The following ADGRL4 variants were observed in gnomAD, a reference collection of about 807,000 sequenced individuals.
The protein encoded by ADGRL4 is EGF, latrophilin and seven transmembrane domain containing 1.
Under a neutral mutation model 74.8 loss-of-function variants are expected in ADGRL4, and 90 were observed. The ratio of observed to expected loss-of-function variants is 1.20; its 90% CI spans 1.02 to 1.43. The LOEUF is 1.43. Among genes scored for constraint, ADGRL4 ranks in the 40% most tolerant of loss-of-function variants. The pLI is 0.00. For missense variants in ADGRL4, 881 were observed against 814.3 expected (o/e 1.08, Z -1.00); for synonymous variants, 311 against 279.2 (o/e 1.11, Z -1.14).
At chr1:78,934,748 A>G (rs1354660846) in intron 7 of ADGRL4, among the ~76,000 whole-genome samples, 4 of 152,204 alleles carry the variant, frequency 2.6e-5, no homozygotes. Flanking sequence ...GGCAAAGGAT[A>G]TGGACAGACA....
At chr1:78,944,416 T>A (rs1649553201) in intron 3 of ADGRL4, among the ~76,000 whole-genome samples, 1 of 152,200 alleles carries the variant, frequency 6.6e-6, no homozygotes, top group African/African-American at 2.4e-5. Context: ...AATATAGGCT[T>A]GAGAAGAACA....
chr1:78,927,244 T>A (rs1359516578), intron 7 of ADGRL4, among the ~76,000 whole-genome samples, 153 bp from the exon 8 acceptor site: 1 of 152,110 alleles, frequency 6.6e-6, no homozygotes, highest in Non-Finnish European at 1.5e-5. Context: ...AATAAGCCTA[T>A]GCCTGCATTG....
At position 78,939,183 on chromosome 1, in the gene ADGRL4, C is replaced by G. The variant is rs760725257; in HGVS notation, c.396+5G>C. On this transcript the variant is annotated splice_donor_5th_base_variant and intron_variant, in intron 4 of 14. Coordinates refer to ENST00000370742, the MANE Select transcript of ADGRL4 (RefSeq NM_022159.4). ...ATAAAATAAATTGTTAACTGTTCTA[C>G]TTACTTTTGTTAAAGTTTTATTAAT... 1 of 1,558,668 alleles carries G rather than the reference C, an allele frequency of 6.4e-7. No homozygotes were observed. Among genetic ancestry groups the G allele is most frequent in the South Asian group, 1.2e-5 (1 of 82,804 alleles).
intron 3 of ADGRL4, among the ~76,000 whole-genome samples, chr1:78,941,190 C>G (rs17102465): frequency 0.089 from 13,505 of 152,136 alleles, 796 homozygotes; most frequent in East Asian, 0.33. Flanking sequence ...TGACAAGTGA[C>G]CTTGGGATAT....
At chr1:78,944,338 C>A (rs376457473) in intron 3 of ADGRL4, among the ~76,000 whole-genome samples, 11 of 152,220 alleles carry the variant, frequency 7.2e-5, no homozygotes, top group African/African-American at 2.2e-4. Flanking sequence ...GCTTGCAGGG[C>A]TGCATATTAG....
At chr1:78,988,222 T>C (rs371375534) in intron 2 of ADGRL4, among the ~76,000 whole-genome samples, 3 of 151,772 alleles carry the variant, frequency 2.0e-5, no homozygotes, top group Non-Finnish European at 1.5e-5. Context: ...ATGATCAGCT[T>C]TTTGACAATT....
intron 2 of ADGRL4, among the ~76,000 whole-genome samples, chr1:78,957,279 C>T (rs1649856431): frequency 6.6e-6 from 1 of 152,106 alleles, no homozygotes; most frequent in Non-Finnish European, 1.5e-5. Context: ...GGAAGAGTTG[C>T]ATTTATGTCA....
chr1:78,986,426 C>T (rs1650498393), intron 2 of ADGRL4, among the ~76,000 whole-genome samples: 1 of 151,244 alleles, frequency 6.6e-6, no homozygotes, highest in Non-Finnish European at 1.5e-5. Flanking sequence ...AGAGTCAGAC[C>T]CTGTCTCCAT....
At chr1:79,002,675 C>T (rs772696681) in intron 2 of ADGRL4, among the ~76,000 whole-genome samples, 2 of 151,976 alleles carry the variant, frequency 1.3e-5, no homozygotes, top group African/African-American at 4.8e-5. Context: ...GAATCCAAGT[C>T]GGTTTGATTC....
At chr1:78,955,682 A>G (rs1160003095) in intron 2 of ADGRL4, among the ~76,000 whole-genome samples, 1 of 151,796 alleles carries the variant, frequency 6.6e-6, no homozygotes, top group Non-Finnish European at 1.5e-5. Context: ...GTAATCATTC[A>G]TTTTTTTCCT....
At chr1:78,930,026 G>A (rs1210018393) in intron 7 of ADGRL4, among the ~76,000 whole-genome samples, 1 of 151,356 alleles carries the variant, frequency 6.6e-6, no homozygotes, top group Non-Finnish European at 1.5e-5. Context: ...TAAAAGCCAA[G>A]GTTTCAATGG....
intron 2 of ADGRL4, among the ~76,000 whole-genome samples, chr1:78,978,232 C>T (rs756199232): frequency 2.0e-5 from 3 of 151,844 alleles, no homozygotes; most frequent in Non-Finnish European, 4.4e-5. Flanking sequence ...AATCTATGTG[C>T]CTATTGTCAT....
chr1:78,919,778 T>C (rs1398212755), intron 10 of ADGRL4, among the ~76,000 whole-genome samples: 4 of 151,966 alleles, frequency 2.6e-5, no homozygotes, highest in Non-Finnish European at 5.9e-5. Flanking sequence ...AGATACTAGG[T>C]AAAACCAATT....
intron 1 of ADGRL4, 146 bp from the exon 2 acceptor site, chr1:79,005,365 T>TA: frequency 8.3e-6 from 5 of 603,928 alleles, no homozygotes; most frequent in Non-Finnish European, 1.3e-5. Context: ...AGCACTTAGC[T>TA]AAGTAACAGC....
At chr1:78,964,508 G>A (rs1347030131) in intron 2 of ADGRL4, among the ~76,000 whole-genome samples, 1 of 152,102 alleles carries the variant, frequency 6.6e-6, no homozygotes, top group Non-Finnish European at 1.5e-5. Context: ...CTTAGATTAG[G>A]TTGCGTTCCT....
At chr1:78,993,397 T>TA (rs1257812122) in intron 2 of ADGRL4, among the ~76,000 whole-genome samples, 1 of 152,192 alleles carries the variant, frequency 6.6e-6, no homozygotes, top group African/African-American at 2.4e-5. Flanking sequence ...TTAAATAGTT[T>TA]ACTGAAGAAT....
chr1:79,004,382 G>T (rs1208089782), intron 2 of ADGRL4, among the ~76,000 whole-genome samples: 1 of 151,938 alleles, frequency 6.6e-6, no homozygotes, highest in East Asian at 1.9e-4. Context: ...TGGAAGATTG[G>T]GGTAGAGGTG....
chr1:78,920,843 T>G (rs756494487), intron 9 of ADGRL4, among the ~76,000 whole-genome samples: 2 of 151,916 alleles, frequency 1.3e-5, no homozygotes, highest in African/African-American at 2.4e-5. Context: ...CAAGTAATAT[T>G]GTTCAGAAAC....
intron 2 of ADGRL4, among the ~76,000 whole-genome samples, chr1:78,958,768 T>A (rs1023737280): frequency 6.6e-6 from 1 of 152,218 alleles, no homozygotes; most frequent in African/African-American, 2.4e-5. Context: ...GAGGACTGAC[T>A]CCAATTTTAA....
Sources: allele counts gnomAD v4.1 joint callset (sites outside exome capture counted in the v4.1 genomes callset), GRCh38; gene constraint gnomAD v4.1.1; transcripts MANE v1.5; gene names NCBI Gene and HGNC (gene_info 2026-07-23, HGNC 2026-07-21).